EYA2: variants seen among roughly 807,000 people sequenced by gnomAD.
EYA2 encodes protein phosphatase EYA2.
Under a neutral mutation model 69.2 loss-of-function variants are expected in EYA2, and 31 were observed. The observed-to-expected ratio is 0.45, with a 90% CI of 0.34 to 0.60. The LOEUF is 0.60. Ranked by LOEUF, EYA2 falls within the 20% of genes least tolerant of loss-of-function variation. The probability of loss-of-function intolerance (pLI) is 0.02; values close to 1 mark genes in which losing one functional copy is unlikely to be tolerated. For synonymous variants in EYA2, 257 were observed against 279.4 expected (o/e 0.92, Z 0.80); for missense variants, 622 against 701.2 (o/e 0.89, Z 1.28).
At chr20:47,078,850 C>T (rs1376352772) in intron 7 of EYA2, among the ~76,000 whole-genome samples, 7 of 152,102 alleles carry the variant, frequency 4.6e-5, no homozygotes, top group African/African-American at 1.4e-4. Flanking sequence ...AAGGCTCTTC[C>T]GTGTAATTTG....
chr20:47,015,727 A>G (rs1221218003), intron 4 of EYA2, among the ~76,000 whole-genome samples: 1 of 152,176 alleles, frequency 6.6e-6, no homozygotes, highest in Admixed American at 6.5e-5. Context: ...CCCACTTTTG[A>G]TAGGGTCCTA....
intron 1 of EYA2, among the ~76,000 whole-genome samples, chr20:46,899,945 C>A (rs80098305): frequency 6.6e-6 from 1 of 152,094 alleles, no homozygotes; most frequent in African/African-American, 2.4e-5. Context: ...AACTTAGACG[C>A]GCCGCAATGC....
chr20:47,071,304 A>C (rs959959404), intron 5 of EYA2, among the ~76,000 whole-genome samples: 2 of 151,860 alleles, frequency 1.3e-5, no homozygotes, highest in Non-Finnish European at 2.9e-5. Context: ...CACTGTGCCC[A>C]GCCAATGTTT....
At chr20:46,924,259 G>A (rs1487489038) in intron 1 of EYA2, among the ~76,000 whole-genome samples, 2 of 152,178 alleles carry the variant, frequency 1.3e-5, no homozygotes, top group Non-Finnish European at 2.9e-5. Context: ...CAGAGGCTGG[G>A]AAGGACTAAA....
intron 5 of EYA2, among the ~76,000 whole-genome samples, chr20:47,041,461 T>A (rs1374305357): frequency 1.3e-5 from 2 of 152,236 alleles, no homozygotes; most frequent in Admixed American, 1.3e-4. Context: ...TAAGCATACA[T>A]GTATATTGAA....
At chr20:47,183,183 G>C in intron 14 of EYA2, 108 bp from the exon 15 acceptor site, 1 of 929,210 alleles carries the variant, frequency 1.1e-6, no homozygotes, top group East Asian at 2.4e-5. Context: ...GATGAATACC[G>C]GGCCTTTGGG....
chr20:47,168,344 A>G (rs1045390877), intron 10 of EYA2, among the ~76,000 whole-genome samples: 2 of 151,908 alleles, frequency 1.3e-5, no homozygotes, highest in Non-Finnish European at 2.9e-5. Flanking sequence ...GGCAGCTGCC[A>G]CCACGCCCAG....
At chr20:47,051,596 T>G (rs2146435375) in intron 5 of EYA2, among the ~76,000 whole-genome samples, 2 of 152,344 alleles carry the variant, frequency 1.3e-5, no homozygotes, top group Non-Finnish European at 1.5e-5. Context: ...TCCTCAGATG[T>G]GGAGCCTTCT....
intron 15 of EYA2, among the ~76,000 whole-genome samples, chr20:47,187,657 C>A (rs777071348): frequency 7.2e-5 from 11 of 152,196 alleles, no homozygotes; most frequent in Non-Finnish European, 1.6e-4. Flanking sequence ...CCGCCTCAGC[C>A]TCCCAAAGTG....
intron 5 of EYA2, among the ~76,000 whole-genome samples, chr20:47,025,276 G>A (rs1984011920): frequency 6.6e-6 from 1 of 152,138 alleles, no homozygotes; most frequent in African/African-American, 2.4e-5. Context: ...CATTGCTGTG[G>A]GGCAGTCAGC....
chr20:47,128,313 T>C lies in EYA2; in HGVS notation c.889-14746T>C, dbSNP rs543883117. 3.3e-5 allele frequency among the ~76,000 whole-genome samples: 5 copies of C among 152,284 alleles called. No homozygotes were observed. In the South Asian group the frequency reaches 6.2e-4, roughly 19 times the overall value. ...ACTCCACAGCAATAAGGGGAGACGGTTTCCCACCCTGTGGGCTCTCCTTTT... is the reference window on the plus strand; with the variant it reads ...ACTCCACAGCAATAAGGGGAGACGGCTTCCCACCCTGTGGGCTCTCCTTTT... On this transcript the variant is annotated intron_variant, in intron 9 of 15. Transcript: ENST00000327619.
chr20:47,089,276 G>A lies in EYA2; in HGVS notation c.699G>A (p.Ala233=), dbSNP rs746177660. Residue 233 remains alanine, a synonymous_variant, in exon 8 of 16, where the codon GCG becomes GCA. Transcript: ENST00000327619. ...YNTHNGPSTP[A]KEGDTDRPHR... ...CACACAATGGACCTTCCACACCAGC[G>A]AAAGAGGGAGACACAGACAGGCCGC... 1.1e-5 allele frequency: 17 copies of A among 1,614,042 alleles called. No homozygotes were observed. In the Admixed American group the frequency reaches 1.3e-4, roughly 13 times the overall value.
At chr20:47,090,272 C>A (rs922093012) in intron 8 of EYA2, among the ~76,000 whole-genome samples, 2 of 147,516 alleles carry the variant, frequency 1.4e-5, no homozygotes, top group African/African-American at 5.0e-5. Flanking sequence ...TCTCTGGCTC[C>A]CCCATCACCC....
chr20:47,005,478 G>C (rs1391701013), intron 4 of EYA2, among the ~76,000 whole-genome samples: 15 of 152,186 alleles, frequency 9.9e-5, no homozygotes, highest in African/African-American at 3.6e-4. Context: ...GATGGTGCCT[G>C]TCCACTCAAG....
intron 8 of EYA2, 29 bp from the exon 9 acceptor site, chr20:47,097,056 C>T (rs1275823227): frequency 1.3e-6 from 2 of 1,574,344 alleles, no homozygotes; most frequent in Admixed American, 1.7e-5. Flanking sequence ...GTCCATTTTT[C>T]TCCATTCTCT....
At chr20:46,910,275 C>T (rs78642563) in intron 1 of EYA2, among the ~76,000 whole-genome samples, 2 of 151,962 alleles carry the variant, frequency 1.3e-5, no homozygotes, top group Non-Finnish European at 2.9e-5. Context: ...CATGGTGGAG[C>T]AAGAGGAAGA....
intron 1 of EYA2, among the ~76,000 whole-genome samples, chr20:46,935,129 A>C (rs2146256081): frequency 6.6e-6 from 1 of 152,330 alleles, no homozygotes; most frequent in East Asian, 1.9e-4. Context: ...GGCGTGGAGC[A>C]CATTTCCCCT....
chr20:47,014,776 T>A lies in EYA2; in HGVS notation c.299-1405T>A, dbSNP rs189699908. 1.3e-5 allele frequency among the ~76,000 whole-genome samples: 2 copies of A among 151,996 alleles called. 1 individual carries two copies. The highest frequency in any genetic ancestry group is 1.3e-4 in the Admixed American group (2 of 15,248). On this transcript the variant is annotated intron_variant, in intron 4 of 15. Transcript: ENST00000327619. Reference sequence around the variant, plus strand: ...TATATATGTGTGTATATATACACATTTGTTGCATGTGTGTGTGTTATGTGT... The same window carrying A: ...TATATATGTGTGTATATATACACATATGTTGCATGTGTGTGTGTTATGTGT...
chr20:46,895,692 A>G (rs187423847), intron 1 of EYA2, among the ~76,000 whole-genome samples: 6 of 152,322 alleles, frequency 3.9e-5, no homozygotes, highest in Non-Finnish European at 4.4e-5. Flanking sequence ...TTTTTTAGTC[A>G]TGAAGTCTGG....
Sources: allele counts gnomAD v4.1 joint callset (sites outside exome capture counted in the v4.1 genomes callset), GRCh38; gene constraint gnomAD v4.1.1; transcripts MANE v1.5; gene names NCBI Gene and HGNC (gene_info 2026-07-23, HGNC 2026-07-21).